The following SYT16 variants were observed in gnomAD, a reference collection of about 807,000 sequenced individuals.
SYT16 encodes the protein synaptotagmin-16.
Under a neutral mutation model 61.4 loss-of-function variants are expected in SYT16, and 42 were observed. The observed-to-expected ratio is 0.68, with a 90% confidence interval of 0.53 to 0.89. The LOEUF (loss-of-function observed/expected upper bound fraction) is 0.89. Ranked by LOEUF, SYT16 falls within the 40% of genes least tolerant of loss-of-function variation. The probability of loss-of-function intolerance (pLI) is 0.00; values close to 1 mark genes in which losing one functional copy is unlikely to be tolerated. For synonymous variants in SYT16, 314 were observed against 302.3 expected, an observed-to-expected ratio of 1.04 and a Z score of -0.40; for missense variants, 804 against 807.3, an observed-to-expected ratio of 1.00 and a Z score of 0.05.
intron 1 of SYT16, among the ~76,000 whole-genome samples, chr14:61,901,777 T>TATC (rs1207694896): frequency 6.7e-6 from 1 of 149,520 alleles, no homozygotes; most frequent in African/African-American, 2.5e-5. Context: ...TTATTATTAT[T>TATC]ATTTTTTGGA....
At position 61,937,723 on chromosome 14, in the gene SYT16, C is replaced by CCAGA. The variant is rs2050038706; in HGVS notation, c.-324-32408_-324-32405dup. Among the ~76,000 whole-genome samples, 5 of 152,160 alleles carry CCAGA rather than the reference C, an allele frequency of 3.3e-5. No homozygotes were observed. In the South Asian group the frequency reaches 1.0e-3, roughly 32 times the overall value. On this transcript the variant is annotated intron_variant, in intron 1 of 7. Coordinates refer to ENST00000683842, the MANE Select transcript of SYT16 (RefSeq NM_001367656.1). ...AAGTCAGCTTTAGGCACCAGGCTTC[C>CCAGA]CAGATATGATGTGGCATTTGGCTTT...
intron 3 of SYT16, among the ~76,000 whole-genome samples, chr14:62,011,912 T>TAC (rs71449574): frequency 0.072 from 6,048 of 83,642 alleles, 754 homozygotes; most frequent in African/African-American, 0.28. Context: ...CACATATATA[T>TAC]ACACACACAC....
In SYT16 at chr14:62,105,266, T is replaced by C. The variant is rs772401790; in HGVS notation, c.*4559T>C. On this transcript the variant is annotated 3_prime_UTR_variant, in exon 8 of 8. Transcript: ENST00000683842. ...CTCTCCTTGTCTCCAGTTCTCTTAT[T>C]CATAAATGGACAAGGCATCTTGTCG... 9 of 152,198 alleles carry C rather than the reference T, an allele frequency of 5.9e-5. No individual in the cohort carries two copies. The highest frequency in any genetic ancestry group is 1.0e-4 in the Non-Finnish European group (7 of 68,032). The allele number at this position is 152,198 out of a possible 1,614,324, so 9.4% of individuals were successfully genotyped here. A position where few individuals can be genotyped will look rare whatever the true frequency, so the allele number is the denominator to read the frequency against.
intron 2 of SYT16, among the ~76,000 whole-genome samples, chr14:61,982,552 C>G (rs1294718424): frequency 6.6e-6 from 1 of 152,084 alleles, no homozygotes; most frequent in African/African-American, 2.4e-5. Context: ...TTATCTCCCA[C>G]CAGGTCCCTC....
At chr14:61,977,760 A>G (rs923236769) in intron 2 of SYT16, among the ~76,000 whole-genome samples, 8 of 152,114 alleles carry the variant, frequency 5.3e-5, no homozygotes. Flanking sequence ...TGAAGTAAAC[A>G]TCTGGGTTGA....
intron 7 of SYT16, among the ~76,000 whole-genome samples, chr14:62,086,152 G>A (rs1368269076): frequency 6.6e-6 from 1 of 152,142 alleles, no homozygotes; most frequent in Non-Finnish European, 1.5e-5. Flanking sequence ...AAACCAAGGT[G>A]TGAATTCAGG....
At chr14:61,888,997 A>G (rs553703013) in intron 1 of SYT16, among the ~76,000 whole-genome samples, 1 of 152,204 alleles carries the variant, frequency 6.6e-6, no homozygotes, top group African/African-American at 2.4e-5. Context: ...AAAGGTCATA[A>G]TAGTCATTGC....
chr14:61,883,286 A>G (rs1401687922), intron 1 of SYT16, among the ~76,000 whole-genome samples: 21 of 152,154 alleles, frequency 1.4e-4, no homozygotes, highest in Admixed American at 1.4e-3. Context: ...CTGTCACATC[A>G]TTGGACTGCA....
At chr14:61,859,510 C>G (rs927517413) in intron 1 of SYT16, among the ~76,000 whole-genome samples, 4 of 151,956 alleles carry the variant, frequency 2.6e-5, no homozygotes, top group African/African-American at 9.7e-5. Flanking sequence ...CCCATCTTTT[C>G]CGCTCGGAAA....
At chr14:62,036,514 C>T (rs1379150184) in intron 3 of SYT16, among the ~76,000 whole-genome samples, 1 of 152,062 alleles carries the variant, frequency 6.6e-6, no homozygotes, top group Non-Finnish European at 1.5e-5. Context: ...TGTGCTAGTC[C>T]ATTCTCGTGC....
chr14:62,066,267 C>T (rs959683678), intron 3 of SYT16, among the ~76,000 whole-genome samples: 5 of 152,192 alleles, frequency 3.3e-5, no homozygotes, highest in African/African-American at 9.7e-5. Context: ...TCTGATTCTC[C>T]AGCACTATGA....
At chr14:62,036,872 C>G (rs1469726029) in intron 3 of SYT16, among the ~76,000 whole-genome samples, 3 of 152,126 alleles carry the variant, frequency 2.0e-5, no homozygotes, top group Non-Finnish European at 4.4e-5. Flanking sequence ...ATATACTGAG[C>G]AAGTGCTCAC....
At chr14:62,060,337 T>TA (rs919002926) in intron 3 of SYT16, among the ~76,000 whole-genome samples, 4 of 152,060 alleles carry the variant, frequency 2.6e-5, no homozygotes, top group Admixed American at 6.5e-5. Flanking sequence ...ATGGAATTTT[T>TA]AAAAAATTTC....
intron 1 of SYT16, among the ~76,000 whole-genome samples, chr14:61,943,045 G>T (rs2050270503): frequency 6.6e-6 from 1 of 151,966 alleles, no homozygotes; most frequent in African/African-American, 2.4e-5. Context: ...AATGATAAAG[G>T]GGATATCACC....
intron 1 of SYT16, among the ~76,000 whole-genome samples, chr14:61,930,747 A>G (rs1233267892): frequency 6.6e-6 from 1 of 152,014 alleles, no homozygotes; most frequent in Non-Finnish European, 1.5e-5. Flanking sequence ...AGTCTATGCA[A>G]GTGGAAGAGG....
chr14:62,066,307 C>T (rs949039052), intron 3 of SYT16, among the ~76,000 whole-genome samples: 2 of 152,214 alleles, frequency 1.3e-5, no homozygotes, highest in Non-Finnish European at 2.9e-5. Context: ...AGACTGGCTG[C>T]TTTAAATCAG....
rs996164401 is a variant in SYT16 at position 61,826,751 on chromosome 14, A to T, written c.-325+13941A>T. Among the ~76,000 whole-genome samples, 18 of 151,890 alleles carry T rather than the reference A, an allele frequency of 1.2e-4. 1 individual carries two copies. Among genetic ancestry groups the T allele is most frequent in the African/African-American group, 4.4e-4 (18 of 41,210 alleles). ...GCTGGGACTCTCATAACAAGATACC[A>T]CTGTCTGGGTGGCTTAAACAACACA... On this transcript the variant is annotated intron_variant, in intron 1 of 7. Transcript: ENST00000683842.
chr14:61,956,517 A>C (rs561821127), intron 1 of SYT16, among the ~76,000 whole-genome samples: 1 of 152,098 alleles, frequency 6.6e-6, no homozygotes, highest in East Asian at 1.9e-4. Context: ...ATTGTTTTGC[A>C]TGTGGATATC....
intron 1 of SYT16, among the ~76,000 whole-genome samples, chr14:61,964,695 C>T (rs1481837498): frequency 6.6e-6 from 1 of 152,096 alleles, no homozygotes; most frequent in Non-Finnish European, 1.5e-5. Flanking sequence ...AAAATGCTCT[C>T]AAACAGCATC....
Sources: allele counts gnomAD v4.1 joint callset (sites outside exome capture counted in the v4.1 genomes callset), GRCh38; gene constraint gnomAD v4.1.1; transcripts MANE v1.5; gene names NCBI Gene and HGNC (gene_info 2026-07-23, HGNC 2026-07-21).